KCNMB1: variants seen among roughly 807,000 people sequenced by gnomAD.
KCNMB1 encodes the protein potassium calcium-activated channel subfamily M regulatory beta subunit 1, also known as calcium-activated potassium channel subunit beta-1.
KCNMB1 carries 22 observed loss-of-function variants against 21.7 expected under a neutral mutation model. The observed-to-expected ratio is 1.01, with a 90% CI of 0.72 to 1.45. The LOEUF (loss-of-function observed/expected upper bound fraction) is 1.45, where lower values mean the gene tolerates loss of function less well. Among genes scored for constraint, KCNMB1 ranks in the 40% most tolerant of loss-of-function variants. KCNMB1 has a pLI of 0.00. For missense variants in KCNMB1, 243 were observed against 243.4 expected (o/e 1.00, Z 0.01); for synonymous variants, 114 against 107.6 (o/e 1.06, Z -0.37).
chr5:170,380,807 C>G (rs1471333067), intron 3 of KCNMB1, among the ~76,000 whole-genome samples: 1 of 152,186 alleles, frequency 6.6e-6, no homozygotes, highest in Non-Finnish European at 1.5e-5. Context: ...TGGAGTCAGA[C>G]AGGCCTGAGT....
In KCNMB1 at chr5:170,377,928, C is replaced by T. The variant is rs767244007; in HGVS notation, c.*776G>A. On this transcript the variant is annotated 3_prime_UTR_variant, in exon 4 of 4. Transcript: ENST00000274629. The stretch of plus-strand genomic sequence containing the variant: ...TGGCCTGTCTCTGACTGGAACCCAA[C>T]TCCGTCCCCAGACCCACTTCCATCT... 1 of 152,046 alleles carries T rather than the reference C, an allele frequency of 6.6e-6. No individual in the cohort carries two copies. The highest frequency in any genetic ancestry group is 1.5e-5 in the Non-Finnish European group (1 of 68,024). The allele number at this position is 152,046 out of a possible 1,614,324, so 9.4% of individuals were successfully genotyped here.
Position 170,375,994 on chromosome 5 carries a change from C to A in KCNMB1, c.*2710G>T, listed in dbSNP as rs750055988. On this transcript the variant is annotated 3_prime_UTR_variant, in exon 4 of 4. Transcript: ENST00000274629. ...ACTTAGCCACTGTCCTCTGTTGCTT[C>A]TCATCATCTGTGAGGCAGGTTCAGG... The A allele has an allele frequency of 1.3e-5, 2 of 152,202 alleles. No homozygotes were observed. Among genetic ancestry groups the A allele is most frequent in the Non-Finnish European group, 2.9e-5 (2 of 68,068 alleles). The allele number at this position is 152,202 out of a possible 1,614,324, so 9.4% of individuals were successfully genotyped here.
In KCNMB1 at chr5:170,383,767, T is replaced by C; in HGVS notation, c.218A>G (p.Gln73Arg). ...CACGTTGACCCACAGGCATGGGTAC[T>C]GGGGCACCTTCTTGCCCTTCAGCTC... ...QEELKGKKVP[Q>R]YPCLWVNVSA... Residue 73 changes from glutamine (Q) to arginine (R), a missense_variant, in exon 3 of 4, where the codon CAG becomes CGG. Physicochemically the swap from Gln to Arg is conservative, Grantham distance 43. Transcript: ENST00000274629. 1.2e-6 allele frequency: 2 copies of C among 1,614,164 alleles called. No individual in the cohort carries two copies. Among genetic ancestry groups the C allele is most frequent in the South Asian group, 1.1e-5 (1 of 91,084 alleles).
chr5:170,386,493 G>A (rs944074262), intron 1 of KCNMB1, among the ~76,000 whole-genome samples: 4 of 152,164 alleles, frequency 2.6e-5, no homozygotes, highest in Non-Finnish European at 2.9e-5. Flanking sequence ...TGCGGTGAGC[G>A]AGCAGTACAT....
chr5:170,385,878 C>T (rs904225672), intron 1 of KCNMB1, among the ~76,000 whole-genome samples: 5 of 151,764 alleles, frequency 3.3e-5, no homozygotes, highest in African/African-American at 9.7e-5. Context: ...CCAGCACTTT[C>T]GGAGACCGAG....
At chr5:170,380,270 A>G (rs1764186681) in intron 3 of KCNMB1, among the ~76,000 whole-genome samples, 1 of 152,230 alleles carries the variant, frequency 6.6e-6, no homozygotes, top group South Asian at 2.1e-4. Context: ...CCCCATCTGC[A>G]GCAGAATACC....
In KCNMB1 at chr5:170,383,814, CTCAA is replaced by C; in HGVS notation, c.167_170del (p.Ile56ArgfsTer10). ...GCTCCTCCTGGTCCCTGATGTTGGT[CTCAA>C]TCAGGTGGCACTTGGATTCCTGGGT... On this transcript the variant is annotated frameshift_variant, in exon 3 of 4. Transcript: ENST00000274629. LOFTEE classifies it high-confidence loss of function. 1 of 1,614,130 alleles carries C rather than the reference CTCAA, an allele frequency of 6.2e-7. No homozygotes were observed. The highest frequency in any genetic ancestry group is 2.2e-5 in the East Asian group (1 of 44,876).
chr5:170,382,113 C>A (rs540447400), intron 3 of KCNMB1, among the ~76,000 whole-genome samples: 1 of 152,170 alleles, frequency 6.6e-6, no homozygotes, highest in African/African-American at 2.4e-5. Flanking sequence ...ACATCTTGGT[C>A]GTGAGTGCTT....
At chr5:170,385,268 C>T (rs1355059197) in intron 2 of KCNMB1, 46 bp downstream of exon 2, 1 of 1,611,102 alleles carries the variant, frequency 6.2e-7, no homozygotes, top group Admixed American at 1.7e-5. Flanking sequence ...GATGCCAGAC[C>T]CTTAGGAGAG....
At chr5:170,379,037 T>A in intron 3 of KCNMB1, 64 bp from the exon 4 acceptor site, 1 of 1,558,922 alleles carries the variant, frequency 6.4e-7, no homozygotes, top group Non-Finnish European at 8.7e-7. Flanking sequence ...AAGGGCTTGA[T>A]ATGGAGTAAA....
chr5:170,384,000 A>C (rs536543385), intron 2 of KCNMB1, 150 bp from the exon 3 acceptor site: 1 of 735,778 alleles, frequency 1.4e-6, no homozygotes, highest in East Asian at 2.7e-5. Flanking sequence ...ATAAAGGCAC[A>C]TGACCCCACA....
In KCNMB1 at chr5:170,374,997, T is replaced by C. The variant is rs544097790; in HGVS notation, c.*3707A>G. On this transcript the variant is annotated 3_prime_UTR_variant, in exon 4 of 4. Transcript: ENST00000274629. ...TTTTCCCCTGCAGGGATTGTTTGGG[T>C]ATTCTGAGTTTCTGTGTATTTTAGT... 6.6e-6 allele frequency: 1 copy of C among 152,324 alleles called. No individual in the cohort carries two copies. The highest frequency in any genetic ancestry group is 2.4e-5 in the African/African-American group (1 of 41,580). The allele number at this position is 152,324 out of a possible 1,614,324, so 9.4% of individuals were successfully genotyped here.
At chr5:170,379,939 G>A (rs1415535248) in intron 3 of KCNMB1, among the ~76,000 whole-genome samples, 3 of 147,488 alleles carry the variant, frequency 2.0e-5, no homozygotes, top group Admixed American at 1.4e-4. Flanking sequence ...GCAACAAAGC[G>A]AGATCCCATT....
Position 170,383,779 on chromosome 5 carries a change from T to C in KCNMB1, c.206A>G (p.Lys69Arg), listed in dbSNP as rs1361499360. 6.2e-7 allele frequency: 1 copy of C among 1,613,964 alleles called. No homozygotes were observed. Among genetic ancestry groups the C allele is most frequent in the East Asian group, 2.2e-5 (1 of 44,888 alleles). The change falls in exon 3 of 4, where the codon AAG (lysine) becomes AGG (arginine). Residue 69 changes from lysine to arginine, a missense_variant. Physicochemically the swap from Lys to Arg is conservative, Grantham distance 26. Coordinates refer to ENST00000274629, the MANE Select transcript of KCNMB1 (RefSeq NM_004137.4). Reference sequence around the variant, plus strand: ...CAGGCATGGGTACTGGGGCACCTTCTTGCCCTTCAGCTCCTCCTGGTCCCT... The same window carrying C: ...CAGGCATGGGTACTGGGGCACCTTCCTGCCCTTCAGCTCCTCCTGGTCCCT... ...NIRDQEELKG[K>R]KVPQYPCLWV...
intron 1 of KCNMB1, among the ~76,000 whole-genome samples, chr5:170,386,122 C>CAAA (rs57184065): frequency 0.1 from 13,547 of 133,674 alleles, 761 homozygotes; most frequent in East Asian, 0.22. Flanking sequence ...AAGACTCCGT[C>CAAA]AAAAAAAAAA....
At chr5:170,380,558 C>A (rs926253069) in intron 3 of KCNMB1, among the ~76,000 whole-genome samples, 3 of 152,212 alleles carry the variant, frequency 2.0e-5, no homozygotes, top group African/African-American at 7.2e-5. Context: ...GTTCTCACAG[C>A]CTGGGAAATG....
chr5:170,385,143 C>G (rs1764411950), intron 2 of KCNMB1, among the ~76,000 whole-genome samples, 171 bp downstream of exon 2: 2 of 152,184 alleles, frequency 1.3e-5, no homozygotes, highest in African/African-American at 4.8e-5. Flanking sequence ...GGGCTCAGTT[C>G]ATCCTACCTT....
Position 170,375,608 on chromosome 5 carries a change from G to T in KCNMB1, c.*3096C>A. On this transcript the variant is annotated 3_prime_UTR_variant, in exon 4 of 4. Coordinates refer to ENST00000274629, the MANE Select transcript of KCNMB1 (RefSeq NM_004137.4). ...TCTGCCCCTCAGCCCTTCACAGCTGGCTCTGTCCCTCAGCCCTTCACAGCT... is the reference window on the plus strand; with the variant it reads ...TCTGCCCCTCAGCCCTTCACAGCTGTCTCTGTCCCTCAGCCCTTCACAGCT... The T allele has an allele frequency of 9.7e-6, 1 of 102,902 alleles. No homozygotes were observed. The highest frequency in any genetic ancestry group is 2.2e-5 in the Non-Finnish European group (1 of 45,724). The allele number at this position is 102,902 out of a possible 1,614,324, so 6.4% of individuals were successfully genotyped here.
chr5:170,388,162 C>A (rs1489296858), intron 1 of KCNMB1, among the ~76,000 whole-genome samples: 1 of 152,236 alleles, frequency 6.6e-6, no homozygotes, highest in Non-Finnish European at 1.5e-5. Context: ...AAAGGAGAGG[C>A]TTCCCTGTCA....
Sources: allele counts gnomAD v4.1 joint callset (sites outside exome capture counted in the v4.1 genomes callset), GRCh38; gene constraint gnomAD v4.1.1; transcripts MANE v1.5; gene names NCBI Gene and HGNC (gene_info 2026-07-23, HGNC 2026-07-21).